The following POLR2I variants were observed in gnomAD, a reference collection of about 807,000 sequenced individuals.
The protein encoded by POLR2I is DNA-directed RNA polymerase II subunit RPB9.
A neutral mutation model predicts 23.0 loss-of-function variants in POLR2I; 15 were observed. The ratio of observed to expected loss-of-function variants is 0.65; its 90% CI spans 0.44 to 1.00. POLR2I has a LOEUF of 1.00. POLR2I is among the 50% of genes least tolerant of loss of function. The pLI, the probability that POLR2I is intolerant of heterozygous loss-of-function variation, is 0.00. For missense variants in POLR2I, 120 were observed against 173.7 expected, an observed-to-expected ratio of 0.69 and a Z score of 1.74; for synonymous variants, 72 against 65.4, an observed-to-expected ratio of 1.10 and a Z score of -0.49.
At position 36,114,167 on chromosome 19, in the gene POLR2I, G is replaced by A. The variant is rs776338331; in HGVS notation, c.263+10C>T. ...TCACTTTACCTCCCCAGTACCAGCT[G>A]AACGCTCACTTTTGGCACGGGTGGT... On this transcript the variant is annotated intron_variant, in intron 4 of 5. Transcript: ENST00000221859. The surrounding 1 kb of genome is among the most constrained non-coding windows in gnomAD (Gnocchi z 4.5). The A allele has an allele frequency of 2.5e-6, 4 of 1,614,068 alleles. No individual in the cohort carries two copies. The South Asian group carries it at 3.3e-5, about 13-fold the overall frequency.
In POLR2I at chr19:36,114,858, G is replaced by A. The variant is rs1019175372; in HGVS notation, c.-2C>T. 2.8e-5 allele frequency: 45 copies of A among 1,613,122 alleles called. No individual in the cohort carries two copies. Among genetic ancestry groups the A allele is most frequent in the Non-Finnish European group, 3.7e-5 (44 of 1,179,948 alleles). On this transcript the variant is annotated 5_prime_UTR_variant, in exon 1 of 6. Transcript: ENST00000221859. This position sits in a 1 kb window ranked among gnomAD's most constrained non-coding sequence, Gnocchi z 4.5. ...CTCGTAAGTCCCGTCGGGCTCCATG[G>A]CGACGCGCAGCCCGCGCAGCCCTCC...
In POLR2I at chr19:36,114,805, G is replaced by A; in HGVS notation, c.52C>T (p.Gln18Ter). The change falls in exon 1 of 6, where the codon CAG becomes TAG. Residue 18 changes from glutamine (Q) to a stop codon, truncating the protein, a stop_gained. Coordinates refer to ENST00000221859, the MANE Select transcript of POLR2I (RefSeq NM_006233.5). LOFTEE classifies it high-confidence loss of function. The surrounding 1 kb of genome is among the most constrained non-coding windows in gnomAD (Gnocchi z 4.5). The part of the protein sequence containing the change: ...EPGFVGIRFC[Q>*]ECNNMLYPKE... Reference sequence around the variant, plus strand: ...CCGCTCCCTCCGCCTCACCATTCCTGGCAGAAGCGAATACCCACGAAGCCC... The same window carrying A: ...CCGCTCCCTCCGCCTCACCATTCCTAGCAGAAGCGAATACCCACGAAGCCC... 1 of 1,614,176 alleles carries A rather than the reference G, an allele frequency of 6.2e-7. No individual in the cohort carries two copies. The highest frequency in any genetic ancestry group is 8.5e-7 in the Non-Finnish European group (1 of 1,180,018).
chr19:36,114,082 C>T lies in POLR2I; in HGVS notation c.264-16G>A. 2 of 1,613,942 alleles carry T rather than the reference C, an allele frequency of 1.2e-6. No homozygotes were observed. The highest frequency in any genetic ancestry group is 1.7e-6 in the Non-Finnish European group (2 of 1,179,916). ...GTGGCCGCACCTGAGAGGGTAGGGG[C>T]TCGGTCACCGGAGGCTTCACACCCT... On this transcript the variant is annotated splice_polypyrimidine_tract_variant and intron_variant, in intron 4 of 5. Coordinates refer to ENST00000221859, the MANE Select transcript of POLR2I (RefSeq NM_006233.5). This position sits in a 1 kb window ranked among gnomAD's most constrained non-coding sequence, Gnocchi z 4.5.
Position 36,114,498 on chromosome 19 carries a change from A to C in POLR2I, c.115-86T>G, listed in dbSNP as rs1002559390. 1 of 1,386,838 alleles carries C rather than the reference A, an allele frequency of 7.2e-7. No individual in the cohort carries two copies. The highest frequency in any genetic ancestry group is 2.3e-5 in the East Asian group (1 of 43,758). The allele number at this position is 1,386,838 out of a possible 1,614,324, so 85.9% of individuals were successfully genotyped here. A position where few individuals can be genotyped will look rare whatever the true frequency, so the allele number is the denominator to read the frequency against. ...GGAGAGGGCAGGGTGATCCCGGAGG[A>C]TATGACGACAGGACTCTCTTTGGGG... On this transcript the variant is annotated intron_variant, in intron 2 of 5. Transcript: ENST00000221859. This position sits in a 1 kb window ranked among gnomAD's most constrained non-coding sequence, Gnocchi z 4.5.
chr19:36,114,014 C>A lies in POLR2I; in HGVS notation c.315+1G>T. 1.2e-6 allele frequency: 2 copies of A among 1,613,828 alleles called. No homozygotes were observed. The highest frequency in any genetic ancestry group is 8.5e-7 in the Non-Finnish European group (1 of 1,179,884). ...ACTTAGAAAGCCCTCGCGCCACTTA[C>A]CTCGGCCCGCGCACTGTGTGACTGG... On this transcript the variant is annotated splice_donor_variant, in intron 5 of 5. Transcript: ENST00000221859. LOFTEE classifies it high-confidence loss of function. The surrounding 1 kb of genome is among the most constrained non-coding windows in gnomAD (Gnocchi z 4.5).
In POLR2I at chr19:36,114,201, C is replaced by T; in HGVS notation, c.239G>A (p.Arg80Gln). The T allele has an allele frequency of 1.2e-6, 2 of 1,614,054 alleles. No individual in the cohort carries two copies. The highest frequency in any genetic ancestry group is 1.3e-5 in the African/African-American group (1 of 75,026). ...ADVSQDPTLPRTEDHPCQKCG... is the reference protein window; with the variant it reads ...ADVSQDPTLPQTEDHPCQKCG... ...CTTTTGGCACGGGTGGTCCTCGGTCCGCGGCAACGTGGGGTCCTGGGACAC... is the reference window on the plus strand; with the variant it reads ...CTTTTGGCACGGGTGGTCCTCGGTCTGCGGCAACGTGGGGTCCTGGGACAC... The change falls in exon 4 of 6, where the codon CGG becomes CAG. Residue 80 changes from arginine (R) to glutamine (Q), a missense_variant. Coordinates refer to ENST00000221859, the MANE Select transcript of POLR2I (RefSeq NM_006233.5). The surrounding 1 kb of genome is among the most constrained non-coding windows in gnomAD (Gnocchi z 4.5).
In POLR2I at chr19:36,114,126, A is replaced by G; in HGVS notation, c.263+51T>C. On this transcript the variant is annotated intron_variant, in intron 4 of 5. Coordinates refer to ENST00000221859, the MANE Select transcript of POLR2I (RefSeq NM_006233.5). This position sits in a 1 kb window ranked among gnomAD's most constrained non-coding sequence, Gnocchi z 4.5. ...ACACCCTTCCCTCCTCCCTTCGCCC[A>G]GTGAGGAGACGAGCCTCACTTTACC... 1 of 1,613,652 alleles carries G rather than the reference A, an allele frequency of 6.2e-7. No homozygotes were observed. The highest frequency in any genetic ancestry group is 8.5e-7 in the Non-Finnish European group (1 of 1,179,670).
rs777968979 is a variant in POLR2I at position 36,114,870 on chromosome 19, C to T, written c.-14G>A. ...GTCGGGCTCCATGGCGACGCGCAGC[C>T]CGCGCAGCCCTCCCAGCCTTCCGCG... On this transcript the variant is annotated 5_prime_UTR_variant, in exon 1 of 6. Coordinates refer to ENST00000221859, the MANE Select transcript of POLR2I (RefSeq NM_006233.5). This position sits in a 1 kb window ranked among gnomAD's most constrained non-coding sequence, Gnocchi z 4.5. 8 of 1,612,380 alleles carry T rather than the reference C, an allele frequency of 5.0e-6. 1 individual carries two copies. The South Asian group carries it at 7.7e-5, about 15-fold the overall frequency.
chr19:36,114,307 C>A lies in POLR2I; in HGVS notation c.188+32G>T, dbSNP rs369219038. On this transcript the variant is annotated intron_variant, in intron 3 of 5. Transcript: ENST00000221859. The surrounding 1 kb of genome is among the most constrained non-coding windows in gnomAD (Gnocchi z 4.5). ...TCAGACCCAGCCTCCAGAGCCAACACCCCCGCCCCCAGCTCAGGGCCCGCC... is the reference window on the plus strand; with the variant it reads ...TCAGACCCAGCCTCCAGAGCCAACAACCCCGCCCCCAGCTCAGGGCCCGCC... 7 of 1,612,588 alleles carry A rather than the reference C, an allele frequency of 4.3e-6. No individual in the cohort carries two copies. The highest frequency in any genetic ancestry group is 2.2e-5 in the East Asian group (1 of 44,826).
chr19:36,114,853 C>T lies in POLR2I; in HGVS notation c.4G>A (p.Glu2Lys). 2 of 1,613,622 alleles carry T rather than the reference C, an allele frequency of 1.2e-6. No homozygotes were observed. Among genetic ancestry groups the T allele is most frequent in the Non-Finnish European group, 1.7e-6 (2 of 1,180,000 alleles). ...CCCGGCTCGTAAGTCCCGTCGGGCT[C>T]CATGGCGACGCGCAGCCCGCGCAGC... M[E>K]PDGTYEPGFV... The change falls in exon 1 of 6, where the codon GAG becomes AAG. Residue 2 changes from glutamate (E) to lysine (K), a missense_variant. Physicochemically the swap from Glu to Lys is moderately conservative, Grantham distance 56. Coordinates refer to ENST00000221859, the MANE Select transcript of POLR2I (RefSeq NM_006233.5). The surrounding 1 kb of genome is among the most constrained non-coding windows in gnomAD (Gnocchi z 4.5).
At position 36,114,841 on chromosome 19, in the gene POLR2I, TC is replaced by T; in HGVS notation, c.15del (p.Thr6LeufsTer60). ...ATACCCACGAAGCCCGGCTCGTAAG[TC>T]CCGTCGGGCTCCATGGCGACGCGCA... Reference protein sequence around the residue: MEPDGTYEPGFVGIR... With the variant: MEPDXTYEPGFVGIR... On this transcript the variant is annotated frameshift_variant, in exon 1 of 6. Transcript: ENST00000221859. LOFTEE classifies it high-confidence loss of function. The surrounding 1 kb of genome is among the most constrained non-coding windows in gnomAD (Gnocchi z 4.5). 1 of 1,613,896 alleles carries T rather than the reference TC, an allele frequency of 6.2e-7. No homozygotes were observed.
In POLR2I at chr19:36,114,584, G is replaced by T; in HGVS notation, c.114+75C>A. On this transcript the variant is annotated intron_variant, in intron 2 of 5. Transcript: ENST00000221859. The surrounding 1 kb of genome is among the most constrained non-coding windows in gnomAD (Gnocchi z 4.5). ...GCAGCGGAGGGCGAACAGGGAGTCC[G>T]ATCACAGAGGCAGGGGGCAGGGCGG... 4.8e-6 allele frequency: 7 copies of T among 1,445,192 alleles called. No homozygotes were observed. Among genetic ancestry groups the T allele is most frequent in the Non-Finnish European group, 6.7e-6 (7 of 1,038,732 alleles). The allele number at this position is 1,445,192 out of a possible 1,614,324, so 89.5% of individuals were successfully genotyped here.
rs771981393 is a variant in POLR2I at position 36,114,091 on chromosome 19, C to T, written c.264-25G>A. ...CCTGAGAGGGTAGGGGCTCGGTCAC[C>T]GGAGGCTTCACACCCTTCCCTCCTC... On this transcript the variant is annotated intron_variant, in intron 4 of 5. Coordinates refer to ENST00000221859, the MANE Select transcript of POLR2I (RefSeq NM_006233.5). This position sits in a 1 kb window ranked among gnomAD's most constrained non-coding sequence, Gnocchi z 4.5. 4.3e-6 allele frequency: 7 copies of T among 1,613,888 alleles called. No individual in the cohort carries two copies. The highest frequency in any genetic ancestry group is 5.9e-6 in the Non-Finnish European group (7 of 1,179,874).
chr19:36,114,417 G>A lies in POLR2I; in HGVS notation c.115-5C>T. On this transcript the variant is annotated splice_polypyrimidine_tract_variant and splice_region_variant and intron_variant, in intron 2 of 5. Coordinates refer to ENST00000221859, the MANE Select transcript of POLR2I (RefSeq NM_006233.5). This position sits in a 1 kb window ranked among gnomAD's most constrained non-coding sequence, Gnocchi z 4.5. ...CTGGTAATCACAGTTCCGGCACTAC[G>A]AGAGGGCGAGTGTGGGGGAAAGGGG... 1 of 1,613,398 alleles carries A rather than the reference G, an allele frequency of 6.2e-7. No individual in the cohort carries two copies. The highest frequency in any genetic ancestry group is 8.5e-7 in the Non-Finnish European group (1 of 1,179,502).
Position 36,114,073 on chromosome 19 carries a change from G to T in POLR2I, c.264-7C>A, listed in dbSNP as rs116462592. 52 of 1,613,920 alleles carry T rather than the reference G, an allele frequency of 3.2e-5. No homozygotes were observed. The highest frequency in any genetic ancestry group is 4.4e-5 in the Non-Finnish European group (52 of 1,179,960). On this transcript the variant is annotated splice_polypyrimidine_tract_variant and splice_region_variant and intron_variant, in intron 4 of 5. Coordinates refer to ENST00000221859, the MANE Select transcript of POLR2I (RefSeq NM_006233.5). The surrounding 1 kb of genome is among the most constrained non-coding windows in gnomAD (Gnocchi z 4.5). ...AGCCTCCTTGTGGCCGCACCTGAGA[G>T]GGTAGGGGCTCGGTCACCGGAGGCT... is the stretch of plus-strand genomic sequence containing the variant.
chr19:36,114,559 G>A lies in POLR2I; in HGVS notation c.114+100C>T. On this transcript the variant is annotated intron_variant, in intron 2 of 5. Transcript: ENST00000221859. This position sits in a 1 kb window ranked among gnomAD's most constrained non-coding sequence, Gnocchi z 4.5. ...CATGAGAGTCAGGATCACTTGAGGT[G>A]CAGCGGAGGGCGAACAGGGAGTCCG... The A allele has an allele frequency of 7.5e-6, 10 of 1,327,072 alleles. No homozygotes were observed. The highest frequency in any genetic ancestry group is 9.7e-6 in the Non-Finnish European group (9 of 932,440). The allele number at this position is 1,327,072 out of a possible 1,614,324, so 82.2% of individuals were successfully genotyped here. A position where few individuals can be genotyped will look rare whatever the true frequency, so the allele number is the denominator to read the frequency against.
rs34390728 is a variant in POLR2I at position 36,113,833 on chromosome 19, CA to C, written c.316-17del. ...GCATGGCGTCCTGGCAGAAATGATG[CA>C]TGGTTAGGAAGGATTTGGACCCAGC... is the stretch of plus-strand genomic sequence containing the variant. On this transcript the variant is annotated splice_polypyrimidine_tract_variant and intron_variant, in intron 5 of 5. Transcript: ENST00000221859. 0.043 allele frequency: 70,060 copies of C among 1,612,110 alleles called. 2,906 individuals are homozygous for C. The highest frequency in any genetic ancestry group is 0.27 in the East Asian group (11,918 of 44,836).
In POLR2I at chr19:36,114,645, A is replaced by AC. The variant is rs1973909321; in HGVS notation, c.114+13dup. ...GGAACAGGTGGACCTGCCGGGGAAGACCCCGGCGCTCACCGCGTAGAGCAG... is the reference window on the plus strand; with the variant it reads ...GGAACAGGTGGACCTGCCGGGGAAGACCCCCGGCGCTCACCGCGTAGAGCAG... On this transcript the variant is annotated intron_variant, in intron 2 of 5. Transcript: ENST00000221859. This position sits in a 1 kb window ranked among gnomAD's most constrained non-coding sequence, Gnocchi z 4.5. The AC allele has an allele frequency of 6.3e-7, 1 of 1,598,892 alleles. No homozygotes were observed. The highest frequency in any genetic ancestry group is 1.7e-5 in the Admixed American group (1 of 59,480).
chr19:36,113,750 G>A lies in POLR2I; in HGVS notation c.*5C>T, dbSNP rs1352439405. 1.2e-6 allele frequency: 2 copies of A among 1,613,496 alleles called. No homozygotes were observed. Among genetic ancestry groups the A allele is most frequent in the South Asian group, 1.1e-5 (1 of 90,990 alleles). On this transcript the variant is annotated 3_prime_UTR_variant, in exon 6 of 6. Coordinates refer to ENST00000221859, the MANE Select transcript of POLR2I (RefSeq NM_006233.5). ...GTGTTTATTACACTCGGGGGAGAGA[G>A]GAGGTCACTCGGTCCAGCGGTGGCC...
Sources: gnomAD v4.1 joint callset for allele counts on GRCh38, gnomAD v4.1.1 for gene constraint, Gnocchi (gnomAD v3.1) non-coding constraint, MANE v1.5 for transcripts, NCBI Gene and HGNC (gene_info 2026-07-23, HGNC 2026-07-21) for gene names.